Variants in SNX9 observed in about 807,000 individuals in gnomAD.
SNX9 encodes the protein sorting nexin-9.
Under a neutral mutation model 89.4 loss-of-function variants are expected in SNX9, and 44 were observed. That is an observed-to-expected ratio of 0.49 (90% CI 0.39 to 0.63). SNX9 has a LOEUF of 0.63. SNX9 is among the 30% of genes least tolerant of loss of function. The pLI, the probability that SNX9 is intolerant of heterozygous loss-of-function variation, is 0.00. For missense variants in SNX9, 578 were observed against 736.1 expected (o/e 0.79, Z 2.49); for synonymous variants, 236 against 247.8 (o/e 0.95, Z 0.45).
chr6:157,923,155 C>T (rs997509966), intron 10 of SNX9, among the ~76,000 whole-genome samples: 1 of 152,106 alleles, frequency 6.6e-6, no homozygotes, highest in African/African-American at 2.4e-5. Context: ...AGTCAGGGCC[C>T]TTGAGTTCTG....
At chr6:157,851,572 A>G (rs1189791780) in intron 1 of SNX9, among the ~76,000 whole-genome samples, 3 of 152,058 alleles carry the variant, frequency 2.0e-5, no homozygotes, top group African/African-American at 7.2e-5. Context: ...GGTATCTCAC[A>G]TAGTGGAATC....
intron 17 of SNX9, among the ~76,000 whole-genome samples, chr6:157,941,286 C>T (rs542950849): frequency 1.3e-5 from 2 of 152,232 alleles, no homozygotes; most frequent in South Asian, 2.1e-4. Context: ...GCACCAGGAA[C>T]GGTGCTGAAT....
intron 4 of SNX9, among the ~76,000 whole-genome samples, chr6:157,889,853 A>G (rs1583219092): frequency 6.6e-6 from 1 of 152,230 alleles, no homozygotes; most frequent in Admixed American, 6.5e-5. Flanking sequence ...TATATTTTAG[A>G]TGAGCCCTCA....
intron 10 of SNX9, 119 bp downstream of exon 10, chr6:157,921,780 A>G: frequency 8.6e-7 from 1 of 1,163,112 alleles, no homozygotes. Context: ...TCCTCCAGTG[A>G]CAGTGAGGGG....
chr6:157,878,560 G>A (rs908176381), intron 4 of SNX9, among the ~76,000 whole-genome samples: 2 of 151,722 alleles, frequency 1.3e-5, no homozygotes, highest in South Asian at 4.2e-4. Context: ...AATCTCCTGA[G>A]TAGCTGGGAC....
intron 17 of SNX9, 30 bp downstream of exon 17, chr6:157,941,004 G>A (rs1056728724): frequency 1.3e-6 from 2 of 1,583,696 alleles, no homozygotes; most frequent in Non-Finnish European, 1.7e-6. Flanking sequence ...CCTTTCGCAT[G>A]TGCTTGAGGA....
chr6:157,829,714 AT>A (rs1347502146), intron 1 of SNX9, among the ~76,000 whole-genome samples: 1 of 152,118 alleles, frequency 6.6e-6, no homozygotes, highest in East Asian at 1.9e-4. Flanking sequence ...CTGGTAATGC[AT>A]TTTTTCTTAA....
chr6:157,907,793 C>G (rs1334797682), intron 7 of SNX9, among the ~76,000 whole-genome samples: 1 of 152,010 alleles, frequency 6.6e-6, no homozygotes, highest in Non-Finnish European at 1.5e-5. Context: ...GAGACTAACT[C>G]TTTGCTCTAA....
intron 1 of SNX9, among the ~76,000 whole-genome samples, chr6:157,837,690 C>T (rs1781612905): frequency 6.6e-6 from 1 of 152,144 alleles, no homozygotes; most frequent in South Asian, 2.1e-4. Context: ...TCAAATCCAC[C>T]CATGTATTAT....
At chr6:157,925,670 C>T (rs1451884771) in intron 10 of SNX9, among the ~76,000 whole-genome samples, 1 of 151,990 alleles carries the variant, frequency 6.6e-6, no homozygotes, top group African/African-American at 2.4e-5. Context: ...ACTGTAGTTC[C>T]TAAGCAAGAT....
rs79656564 is a variant in SNX9 at position 157,833,167 on chromosome 6, A to G, written c.12+9721A>G. On this transcript the variant is annotated intron_variant, in intron 1 of 17. Transcript: ENST00000392185. ...GAAAAAGGCTTGAAAATTTAGACGT[A>G]TGTATAAATAGTTGCCTATTGCATA... Among the ~76,000 whole-genome samples the G allele has an allele frequency of 1.3e-4, 20 of 152,332 alleles. No individual in the cohort carries two copies. The East Asian group carries it at 3.3e-3, about 25-fold the overall frequency.
intron 10 of SNX9, among the ~76,000 whole-genome samples, chr6:157,925,989 A>G (rs1382980006): frequency 6.6e-6 from 1 of 152,218 alleles, no homozygotes; most frequent in African/African-American, 2.4e-5. Context: ...AAGAGCAAAA[A>G]GGGACAAACC....
chr6:157,899,826 T>C (rs1039821905), intron 5 of SNX9, among the ~76,000 whole-genome samples: 3 of 152,160 alleles, frequency 2.0e-5, no homozygotes, highest in African/African-American at 7.2e-5. Flanking sequence ...GTAATATACA[T>C]GTATATACTG....
chr6:157,832,305 T>C (rs1196354289), intron 1 of SNX9, among the ~76,000 whole-genome samples: 1 of 152,236 alleles, frequency 6.6e-6, no homozygotes, highest in African/African-American at 2.4e-5. Flanking sequence ...CTATCACCCG[T>C]TGTCATCCAC....
intron 5 of SNX9, among the ~76,000 whole-genome samples, chr6:157,898,886 G>T (rs919790478): frequency 1.8e-4 from 27 of 152,286 alleles, no homozygotes; most frequent in African/African-American, 6.5e-4. Context: ...CCAGGGGTGT[G>T]GGCTGGGTAG....
chr6:157,931,208 C>A (rs2115207741), intron 12 of SNX9, among the ~76,000 whole-genome samples: 1 of 152,270 alleles, frequency 6.6e-6, no homozygotes, highest in Non-Finnish European at 1.5e-5. Context: ...GAACCACATG[C>A]CAGGTGCCTT....
At chr6:157,873,006 C>T in intron 2 of SNX9, 96 bp from the exon 3 acceptor site, 8 of 904,134 alleles carry the variant, frequency 8.8e-6, no homozygotes, top group Non-Finnish European at 1.2e-5. Flanking sequence ...ATGTTAATTG[C>T]TTTTTTTATG....
intron 1 of SNX9, among the ~76,000 whole-genome samples, chr6:157,859,748 G>GT (rs1376852387): frequency 6.6e-6 from 1 of 152,128 alleles, no homozygotes; most frequent in African/African-American, 2.4e-5. Context: ...TTAATGAACT[G>GT]TTTGTTCCTC....
At chr6:157,869,471 G>T (rs1022919972) in intron 2 of SNX9, among the ~76,000 whole-genome samples, 1 of 152,052 alleles carries the variant, frequency 6.6e-6, no homozygotes, top group Non-Finnish European at 1.5e-5. Context: ...TTTCTGTTGT[G>T]GCGCCTTTCC....
Sources: gnomAD v4.1 joint callset for allele counts (sites outside exome capture counted in the v4.1 genomes callset) on GRCh38, gnomAD v4.1.1 for gene constraint, MANE v1.5 for transcripts, NCBI Gene and HGNC (gene_info 2026-07-23, HGNC 2026-07-21) for gene names.